Variants in GABRR2 observed in about 807,000 individuals in gnomAD.
GABRR2 encodes the protein gamma-aminobutyric acid type A receptor subunit rho2, also known as gamma-aminobutyric acid receptor subunit rho-2.
A neutral mutation model predicts 47.0 loss-of-function variants in GABRR2; 36 were observed. That is an observed-to-expected ratio of 0.77 (90% CI 0.59 to 1.01). GABRR2 has a LOEUF of 1.01. Among genes scored for constraint, GABRR2 ranks in the 50% least tolerant of loss-of-function variants. The pLI is 0.00. For missense variants in GABRR2, 587 were observed against 594.6 expected (o/e 0.99, Z 0.13); for synonymous variants, 204 against 227.5 (o/e 0.90, Z 0.93).
At chr6:89,289,263 G>C (rs1241057576) in intron 2 of GABRR2, among the ~76,000 whole-genome samples, 2 of 152,156 alleles carry the variant, frequency 1.3e-5, no homozygotes, top group Non-Finnish European at 2.9e-5. Context: ...CAGTGGGCCA[G>C]GCTGCAGAGA....
intron 8 of GABRR2, among the ~76,000 whole-genome samples, chr6:89,263,803 G>A (rs184538841): frequency 2.8e-4 from 42 of 152,320 alleles, no homozygotes; most frequent in Non-Finnish European, 4.7e-4. Flanking sequence ...GATTATAGGC[G>A]TGAGCCACCA....
At chr6:89,304,581 T>A (rs1767518211) in intron 1 of GABRR2, among the ~76,000 whole-genome samples, 1 of 132,724 alleles carries the variant, frequency 7.5e-6, no homozygotes, top group African/African-American at 3.0e-5. Flanking sequence ...AGAGTGAGAC[T>A]CCATCTCAAA....
chr6:89,314,228 C>G (rs766656407), intron 1 of GABRR2, among the ~76,000 whole-genome samples: 2 of 152,170 alleles, frequency 1.3e-5, no homozygotes, highest in East Asian at 1.9e-4. Flanking sequence ...TTCAAAACCA[C>G]TAGTTTATCT....
At chr6:89,312,300 C>T (rs549607186) in intron 1 of GABRR2, among the ~76,000 whole-genome samples, 1 of 152,346 alleles carries the variant, frequency 6.6e-6, no homozygotes, top group African/African-American at 2.4e-5. Flanking sequence ...CAGACTCACT[C>T]TGCAGCCATT....
At chr6:89,313,051 A>G (rs1204362933) in intron 1 of GABRR2, among the ~76,000 whole-genome samples, 2 of 151,914 alleles carry the variant, frequency 1.3e-5, no homozygotes, top group East Asian at 1.9e-4. Context: ...CTTGTGCTGA[A>G]CCCCAGTTCT....
intron 8 of GABRR2, among the ~76,000 whole-genome samples, chr6:89,259,543 C>T (rs1324386524): frequency 1.3e-5 from 2 of 151,560 alleles, no homozygotes; most frequent in Non-Finnish European, 2.9e-5. Flanking sequence ...TCACTCTATC[C>T]CCCAGTCTGG....
At chr6:89,258,129 C>A in intron 8 of GABRR2, 148 bp from the exon 9 acceptor site, 1 of 762,610 alleles carries the variant, frequency 1.3e-6, no homozygotes. Context: ...GTCCAACGAT[C>A]CTCTACCGTG....
rs150770514 is a variant in GABRR2, at chr6:89,262,449, G to A, written c.1086+1963C>T. On this transcript the variant is annotated intron_variant, in intron 8 of 8. Transcript: ENST00000402938. ...CAACACCTTCTCCTTCAAAGTGCCT[G>A]TTTCCAGGTCTTTACAGGAGGCTGC... 2.1e-3 allele frequency among the ~76,000 whole-genome samples: 317 copies of A among 152,276 alleles called. 2 individuals carry two copies. Among genetic ancestry groups the A allele is most frequent in the African/African-American group, 7.3e-3 (303 of 41,550 alleles).
intron 3 of GABRR2, among the ~76,000 whole-genome samples, chr6:89,269,768 T>C (rs1432404061): frequency 6.6e-6 from 1 of 152,218 alleles, no homozygotes; most frequent in Admixed American, 6.5e-5. Flanking sequence ...GAGTAGATGC[T>C]CAATAGATAT....
intron 8 of GABRR2, 33 bp from the exon 9 acceptor site, chr6:89,258,014 G>A: frequency 1.3e-6 from 2 of 1,588,340 alleles, no homozygotes; most frequent in Non-Finnish European, 1.7e-6. Flanking sequence ...ACATCATTAA[G>A]CCTTGTGAGG....
At chr6:89,309,653 C>T (rs894512856) in intron 1 of GABRR2, among the ~76,000 whole-genome samples, 2 of 151,978 alleles carry the variant, frequency 1.3e-5, no homozygotes, top group African/African-American at 2.4e-5. Context: ...TTCTATATGC[C>T]CTCTGCCCCT....
intron 2 of GABRR2, among the ~76,000 whole-genome samples, chr6:89,277,872 G>GT (rs1460336041): frequency 7.2e-6 from 1 of 139,478 alleles, no homozygotes; most frequent in African/African-American, 2.6e-5. Context: ...CGGGGGTGGG[G>GT]GGGGGTGGGG....
intron 2 of GABRR2, among the ~76,000 whole-genome samples, chr6:89,285,486 G>A (rs957975495): frequency 4.6e-5 from 7 of 152,144 alleles, no homozygotes; most frequent in African/African-American, 7.2e-5. Flanking sequence ...ATTGCGGGTG[G>A]GGAGTGGGTG....
chr6:89,285,944 G>A (rs889063198), intron 2 of GABRR2, among the ~76,000 whole-genome samples: 3 of 151,658 alleles, frequency 2.0e-5, no homozygotes, highest in South Asian at 2.1e-4. Flanking sequence ...CACAGCTCTC[G>A]CCCGACTCCT....
At chr6:89,281,796 C>T (rs1273783069) in intron 2 of GABRR2, among the ~76,000 whole-genome samples, 5 of 152,150 alleles carry the variant, frequency 3.3e-5, no homozygotes, top group Non-Finnish European at 7.4e-5. Context: ...CTGGTGTCTG[C>T]TGAGGTCCAA....
rs550148003 is a variant in GABRR2 at position 89,254,834 on chromosome 6, A to T, written c.*2836T>A. On this transcript the variant is annotated 3_prime_UTR_variant, in exon 9 of 9. Transcript: ENST00000402938. ...AGTGTCAGACTAGTATACTGTAATA[A>T]GGCAATGCTAAATACAATGGTGTCA... 1.2e-4 allele frequency among the ~76,000 whole-genome samples: 18 copies of T among 152,188 alleles called. No homozygotes were observed. Among genetic ancestry groups the T allele is most frequent in the Non-Finnish European group, 2.1e-4 (14 of 68,040 alleles).
intron 1 of GABRR2, among the ~76,000 whole-genome samples, chr6:89,307,441 T>C (rs1207951079): frequency 1.3e-5 from 2 of 152,250 alleles, no homozygotes; most frequent in East Asian, 3.8e-4. Flanking sequence ...AAACCAATGA[T>C]GCCTAAATCC....
intron 8 of GABRR2, among the ~76,000 whole-genome samples, chr6:89,260,930 A>C (rs944887892): frequency 6.6e-6 from 1 of 152,228 alleles, no homozygotes; most frequent in Non-Finnish European, 1.5e-5. Flanking sequence ...GCTCTCCAGC[A>C]ACTATGCTTC....
At position 89,265,735 on chromosome 6, in the gene GABRR2, G is replaced by A. The variant is rs781232140; in HGVS notation, c.767C>T (p.Thr256Met). ...GWYNRLYINF[T>M]LRRHIFFFLL... Reference sequence around the variant, plus strand: ...GAAGAAGAAGATGTGGCGACGCAACGTGAAGTTAATGTACAGACGGTTGTA... The same window carrying A: ...GAAGAAGAAGATGTGGCGACGCAACATGAAGTTAATGTACAGACGGTTGTA... Residue 256 changes from threonine to methionine, a missense_variant, in exon 7 of 9, where the codon ACG (threonine) becomes ATG (methionine). Thr to Met is a moderately conservative substitution (Grantham distance 81). Transcript: ENST00000402938. The A allele has an allele frequency of 2.2e-5, 36 of 1,614,000 alleles. No individual in the cohort carries two copies. The highest frequency in any genetic ancestry group is 1.6e-4 in the Middle Eastern group (1 of 6,084).
Sources: gnomAD v4.1 joint callset for allele counts (sites outside exome capture counted in the v4.1 genomes callset) on GRCh38, gnomAD v4.1.1 for gene constraint, MANE v1.5 for transcripts, NCBI Gene and HGNC (gene_info 2026-07-23, HGNC 2026-07-21) for gene names.